SAMD3: variants seen among roughly 807,000 people sequenced by gnomAD.
SAMD3 encodes the protein sterile alpha motif domain-containing protein 3.
Under a neutral mutation model 58.5 loss-of-function variants are expected in SAMD3, and 63 were observed. That is an observed-to-expected ratio of 1.08 (90% CI 0.88 to 1.33). The LOEUF (loss-of-function observed/expected upper bound fraction) is 1.33, where lower values mean the gene tolerates loss of function less well. Among genes scored for constraint, SAMD3 ranks in the 40% most tolerant of loss-of-function variants. SAMD3 has a pLI of 0.00. For synonymous variants in SAMD3, 220 were observed against 210.3 expected (o/e 1.05, Z -0.40); for missense variants, 604 against 608.4 (o/e 0.99, Z 0.08).
chr6:130,321,488 T>C (rs934160149), intron 1 of SAMD3, among the ~76,000 whole-genome samples: 13 of 152,218 alleles, frequency 8.5e-5, no homozygotes, highest in African/African-American at 3.1e-4. Context: ...TTTGTTATTT[T>C]AAGCTGCTAA....
chr6:130,248,952 G>A (rs1354737001), intron 2 of SAMD3, among the ~76,000 whole-genome samples: 1 of 152,182 alleles, frequency 6.6e-6, no homozygotes, highest in Non-Finnish European at 1.5e-5. Flanking sequence ...AATATCATCT[G>A]TGTTTGTCTC....
intron 7 of SAMD3, among the ~76,000 whole-genome samples, chr6:130,182,640 GAGGAAGGA>G (rs746725885): frequency 1.3e-5 from 2 of 148,688 alleles, no homozygotes; most frequent in African/African-American, 2.5e-5. Flanking sequence ...GGAGGGGAGG[GAGGAAGGA>G]AGGAAGGAAG....
At chr6:130,265,998 T>G (rs1774336618) in intron 2 of SAMD3, among the ~76,000 whole-genome samples, 1 of 152,200 alleles carries the variant, frequency 6.6e-6, no homozygotes, top group South Asian at 2.1e-4. Context: ...CTGTCCACCT[T>G]CAGCAAGGGA....
intron 2 of SAMD3, among the ~76,000 whole-genome samples, chr6:130,275,181 A>T (rs976926285): frequency 7.9e-5 from 12 of 151,970 alleles, no homozygotes; most frequent in African/African-American, 2.9e-4. Flanking sequence ...TTATTTATTT[A>T]TTTTTTCTCC....
At chr6:130,305,830 TC>T (rs1488098910) in intron 2 of SAMD3, among the ~76,000 whole-genome samples, 1 of 152,254 alleles carries the variant, frequency 6.6e-6, no homozygotes, top group Non-Finnish European at 1.5e-5. Context: ...TTAGGACTTG[TC>T]CTAGTCTGTT....
intron 2 of SAMD3, among the ~76,000 whole-genome samples, chr6:130,279,147 T>C (rs1562495773): frequency 6.6e-6 from 1 of 152,190 alleles, no homozygotes. Flanking sequence ...TATAAGATTA[T>C]AGAATTTAAT....
chr6:130,224,188 G>A (rs1166221727), upstream of SAMD3, among the ~76,000 whole-genome samples: 1 of 152,106 alleles, frequency 6.6e-6, no homozygotes, highest in African/African-American at 2.4e-5. Flanking sequence ...GTCTGTCAGT[G>A]TATTCTGCCA....
At chr6:130,325,079 A>T (rs1178469658) in intron 1 of SAMD3, among the ~76,000 whole-genome samples, 1 of 152,172 alleles carries the variant, frequency 6.6e-6, no homozygotes, top group Non-Finnish European at 1.5e-5. Context: ...ATTCATAAAC[A>T]AGAGCTCTAT....
intron 2 of SAMD3, among the ~76,000 whole-genome samples, chr6:130,228,697 T>C (rs1329902781): frequency 6.6e-6 from 1 of 152,238 alleles, no homozygotes; most frequent in Non-Finnish European, 1.5e-5. Context: ...TGTTCCTCCT[T>C]CTTGAGTCTT....
At chr6:130,216,733 G>T (rs1468186656) in intron 1 of SAMD3, 117 bp from the exon 2 acceptor site, 3 of 152,160 alleles carry the variant, frequency 2.0e-5, no homozygotes, top group Non-Finnish European at 4.4e-5. Flanking sequence ...CTGAATTTCA[G>T]CAGTGGATTT....
chr6:130,327,918 C>A, intron 1 of SAMD3, among the ~76,000 whole-genome samples: 1 of 151,994 alleles, frequency 6.6e-6, no homozygotes, highest in East Asian at 1.9e-4. Flanking sequence ...AGCATTTTTT[C>A]AAACCAATCA....
chr6:130,172,419 A>C (rs1791335619), intron 8 of SAMD3, among the ~76,000 whole-genome samples: 1 of 152,220 alleles, frequency 6.6e-6, no homozygotes, highest in Admixed American at 6.5e-5. Context: ...AAAACCCCTC[A>C]GCATTTGCTT....
intron 5 of SAMD3, among the ~76,000 whole-genome samples, chr6:130,186,978 G>A (rs949752711): frequency 6.6e-5 from 10 of 151,632 alleles, no homozygotes; most frequent in African/African-American, 2.2e-4. Context: ...CACCATGTTG[G>A]CCAGGATGGT....
chr6:130,337,099 C>A (rs968378767), intron 1 of SAMD3, among the ~76,000 whole-genome samples: 7 of 152,180 alleles, frequency 4.6e-5, no homozygotes, highest in Non-Finnish European at 1.0e-4. Context: ...TCTGTGTCCC[C>A]ACCCAAATCT....
chr6:130,298,547 G>A (rs754591381), intron 2 of SAMD3, among the ~76,000 whole-genome samples: 182 of 152,224 alleles, frequency 1.2e-3, no homozygotes, highest in African/African-American at 3.2e-3. Flanking sequence ...GGGACATAAC[G>A]AAAGCAGTAT....
intron 1 of SAMD3, among the ~76,000 whole-genome samples, chr6:130,349,598 A>T (rs1004267084): frequency 6.6e-6 from 1 of 152,242 alleles, no homozygotes; most frequent in African/African-American, 2.4e-5. Context: ...AACCAAAAAA[A>T]GTCCAGGACC....
At chr6:130,143,179 A>T (rs1788361769), downstream of SAMD3, 1 of 152,190 alleles carries the variant, frequency 6.6e-6, no homozygotes, top group Non-Finnish European at 1.5e-5. Context: ...AATATTTTGC[A>T]GTTATTTCCA....
chr6:130,324,999 CATAA>C (rs1488294278), intron 1 of SAMD3, among the ~76,000 whole-genome samples: 1 of 152,074 alleles, frequency 6.6e-6, no homozygotes, highest in Non-Finnish European at 1.5e-5. Context: ...TTTTTACTGC[CATAA>C]ATATCAGTGG....
intron 8 of SAMD3, among the ~76,000 whole-genome samples, chr6:130,158,040 CTA>C (rs2114601807): frequency 6.6e-6 from 1 of 151,632 alleles, no homozygotes; most frequent in East Asian, 1.9e-4. Flanking sequence ...AATTATGAAA[CTA>C]TAAAATATTA....
Sources: allele counts gnomAD v4.1 joint callset (sites outside exome capture counted in the v4.1 genomes callset), GRCh38; gene constraint gnomAD v4.1.1; transcripts MANE v1.5; gene names NCBI Gene and HGNC (gene_info 2026-07-23, HGNC 2026-07-21).